FERMT1: variants seen among roughly 807,000 people sequenced by gnomAD.
The protein encoded by FERMT1 is FERM domain containing kindlin 1.
A neutral mutation model predicts 85.3 loss-of-function variants in FERMT1; 60 were observed. The observed-to-expected ratio is 0.70, with a 90% CI of 0.57 to 0.87. FERMT1 has a LOEUF of 0.87. Among genes scored for constraint, FERMT1 ranks in the 40% least tolerant of loss-of-function variants. The pLI is 0.00. For missense variants in FERMT1, 701 were observed against 818.9 expected (o/e 0.86, Z 1.76); for synonymous variants, 275 against 301.1 (o/e 0.91, Z 0.90).
intron 4 of FERMT1, among the ~76,000 whole-genome samples, chr20:6,111,076 A>G (rs1176410035): frequency 2.0e-5 from 3 of 152,200 alleles, no homozygotes; most frequent in Non-Finnish European, 4.4e-5. Flanking sequence ...AGCTGGAATT[A>G]CAGGCATGAG....
intron 10 of FERMT1, among the ~76,000 whole-genome samples, 166 bp downstream of exon 10, chr20:6,088,798 AT>A (rs1471536949): frequency 2.0e-5 from 3 of 151,566 alleles, no homozygotes; most frequent in African/African-American, 7.3e-5. Flanking sequence ...TAATTTTGGT[AT>A]TTTTAGTAGA....
chr20:6,112,800 G>A (rs762432463), intron 3 of FERMT1, among the ~76,000 whole-genome samples, 177 bp from the exon 4 acceptor site: 8 of 152,188 alleles, frequency 5.3e-5, no homozygotes, highest in Non-Finnish European at 7.4e-5. Flanking sequence ...GACCTCCAAA[G>A]TAGGTGGGGG....
At chr20:6,102,410 C>G (rs1239162927) in intron 6 of FERMT1, among the ~76,000 whole-genome samples, 1 of 152,056 alleles carries the variant, frequency 6.6e-6, no homozygotes, top group African/African-American at 2.4e-5. Flanking sequence ...GGCACGGTGG[C>G]TCAAGCCTGT....
chr20:6,115,790 G>T (rs775341331), intron 3 of FERMT1, 21 bp downstream of exon 3: 2 of 1,564,644 alleles, frequency 1.3e-6, no homozygotes, highest in South Asian at 2.2e-5. Flanking sequence ...CAGGGCACAG[G>T]GGCCTTTCCT....
At chr20:6,089,480 T>C (rs1026319354) in intron 9 of FERMT1, among the ~76,000 whole-genome samples, 1 of 152,360 alleles carries the variant, frequency 6.6e-6, no homozygotes, top group South Asian at 2.1e-4. Context: ...ACTGAAGTGT[T>C]AACTGTGATG....
chr20:6,098,956 C>T (rs1482325224), intron 6 of FERMT1, among the ~76,000 whole-genome samples: 3 of 152,228 alleles, frequency 2.0e-5, no homozygotes, highest in Admixed American at 1.3e-4. Context: ...CCTAGCTGTA[C>T]ACCCAAACAA....
chr20:6,085,631 C>G (rs1381285023), intron 11 of FERMT1, among the ~76,000 whole-genome samples: 1 of 152,082 alleles, frequency 6.6e-6, no homozygotes, highest in African/African-American at 2.4e-5. Context: ...GGGTGGGTCA[C>G]CTGAGGTCAG....
chr20:6,086,706 A>G (rs1982197100), intron 11 of FERMT1, among the ~76,000 whole-genome samples: 1 of 152,026 alleles, frequency 6.6e-6, no homozygotes, highest in African/African-American at 2.4e-5. Flanking sequence ...ATGAGATCTG[A>G]TGGTTTAAAA....
chr20:6,095,267 G>A (rs947524354), intron 8 of FERMT1, among the ~76,000 whole-genome samples: 19 of 152,102 alleles, frequency 1.2e-4, no homozygotes, highest in African/African-American at 4.6e-4. Flanking sequence ...TTTCAGTGGT[G>A]ACTTGGGTGA....
rs1157852326 is a variant in FERMT1, at chr20:6,119,412, T to C, written c.143A>G (p.Glu48Gly). The change falls in exon 2 of 15, where the codon GAA becomes GGA. Residue 48 changes from glutamate (E) to glycine (G), a missense_variant. Transcript: ENST00000217289. ...AAGCAAGAGTAACTTACTGATCTGT[T>C]CTACTAACTTGAGCATCACTCCTCC... ...HVGGVMLKLV[E>G]QINISQDWSD... is the part of the protein sequence containing the mutation. 2 of 1,614,094 alleles carry C rather than the reference T, an allele frequency of 1.2e-6. No homozygotes were observed. The highest frequency in any genetic ancestry group is 1.3e-5 in the African/African-American group (1 of 75,056).
chr20:6,099,830 TAAAAAAAAA>T (rs112369032), intron 6 of FERMT1, among the ~76,000 whole-genome samples: 1 of 120,464 alleles, frequency 8.3e-6, no homozygotes, highest in Non-Finnish European at 1.8e-5. Context: ...TCACTGTTTC[TAAAAAAAAA>T]AAAAAAAAAA....
At chr20:6,112,819 G>A (rs966941317) in intron 3 of FERMT1, among the ~76,000 whole-genome samples, 196 bp from the exon 4 acceptor site, 1 of 152,116 alleles carries the variant, frequency 6.6e-6, no homozygotes, top group Non-Finnish European at 1.5e-5. Flanking sequence ...GGGAGAAAAC[G>A]GTGGAGGGAG....
At chr20:6,106,656 C>T (rs1037639988) in intron 6 of FERMT1, among the ~76,000 whole-genome samples, 8 of 152,204 alleles carry the variant, frequency 5.3e-5, no homozygotes, top group African/African-American at 1.9e-4. Context: ...AAGGACTTAT[C>T]TCACCCCTCA....
At chr20:6,121,978 C>T (rs535374261) in intron 1 of FERMT1, among the ~76,000 whole-genome samples, 4 of 152,196 alleles carry the variant, frequency 2.6e-5, no homozygotes, top group African/African-American at 9.7e-5. Flanking sequence ...AAGATCCTTA[C>T]AATTTCTTAA....
At chr20:6,089,125 AC>A (rs775333932) in intron 9 of FERMT1, 36 bp from the exon 10 acceptor site, 2 of 1,602,924 alleles carry the variant, frequency 1.2e-6, no homozygotes, top group African/African-American at 2.7e-5. Context: ...TTAAACCACC[AC>A]CCAGAAATGT....
chr20:6,102,757 C>T (rs1026155225), intron 6 of FERMT1, among the ~76,000 whole-genome samples: 1 of 151,136 alleles, frequency 6.6e-6, no homozygotes. Context: ...CACCTCTCCA[C>T]TCCTTCACTC....
At chr20:6,081,675 A>C (rs1982003122) in intron 13 of FERMT1, among the ~76,000 whole-genome samples, 1 of 152,170 alleles carries the variant, frequency 6.6e-6, no homozygotes, top group East Asian at 1.9e-4. Context: ...AAGAAGTTTT[A>C]CTGCAAATTA....
chr20:6,084,240 C>T, intron 12 of FERMT1, 76 bp from the exon 13 acceptor site: 1 of 1,514,096 alleles, frequency 6.6e-7, no homozygotes, highest in Non-Finnish European at 9.0e-7. Flanking sequence ...TCCAGATCCC[C>T]CATAAGAACA....
intron 9 of FERMT1, among the ~76,000 whole-genome samples, chr20:6,092,307 G>A (rs1189074565): frequency 1.3e-5 from 2 of 152,112 alleles, no homozygotes; most frequent in African/African-American, 4.8e-5. Context: ...GACTTTGGGA[G>A]GCCAAAAAGG....
Sources: gnomAD v4.1 joint callset for allele counts (sites outside exome capture counted in the v4.1 genomes callset) on GRCh38, gnomAD v4.1.1 for gene constraint, MANE v1.5 for transcripts, NCBI Gene and HGNC (gene_info 2026-07-23, HGNC 2026-07-21) for gene names.